The following VWA8 variants were observed in gnomAD, a reference collection of about 807,000 sequenced individuals.
VWA8 encodes the protein von Willebrand factor A domain containing 8, also known as von Willebrand factor A domain-containing protein 8.
Under a neutral mutation model 241.5 loss-of-function variants are expected in VWA8, and 221 were observed. That is an observed-to-expected ratio of 0.91 (90% confidence interval 0.82 to 1.02). The LOEUF (loss-of-function observed/expected upper bound fraction) is 1.02. VWA8 is among the 50% of genes least tolerant of loss of function. The probability of loss-of-function intolerance (pLI) is 0.00; values close to 1 mark genes in which losing one functional copy is unlikely to be tolerated. For synonymous variants in VWA8, 852 were observed against 827.1 expected, an observed-to-expected ratio of 1.03 and a Z score of -0.52; for missense variants, 2,322 against 2,328.7, an observed-to-expected ratio of 1.00 and a Z score of 0.06.
chr13:41,746,184 T>G (rs2045605215), intron 21 of VWA8, among the ~76,000 whole-genome samples: 1 of 152,222 alleles, frequency 6.6e-6, no homozygotes, highest in South Asian at 2.1e-4. Flanking sequence ...TATTTACATT[T>G]TTTGGATTTT....
chr13:41,882,797 A>AGAGAGG (rs1374121422), intron 9 of VWA8, among the ~76,000 whole-genome samples: 94 of 135,946 alleles, frequency 6.9e-4, no homozygotes, highest in African/African-American at 2.7e-3. Context: ...GACCGTGGAA[A>AGAGAGG]GAGAGGGAGA....
At chr13:41,948,623 T>A (rs192810167) in intron 2 of VWA8, among the ~76,000 whole-genome samples, 3 of 152,318 alleles carry the variant, frequency 2.0e-5, no homozygotes, top group African/African-American at 4.8e-5. Flanking sequence ...ATGTAGAACA[T>A]CACTGTCGGT....
intron 4 of VWA8, among the ~76,000 whole-genome samples, chr13:41,897,080 C>T (rs1431996609): frequency 6.6e-6 from 1 of 152,048 alleles, no homozygotes; most frequent in Non-Finnish European, 1.5e-5. Context: ...AATGATATAG[C>T]TCCATCTTTA....
At chr13:41,586,575 C>G (rs1020918605) in intron 42 of VWA8, among the ~76,000 whole-genome samples, 1 of 152,040 alleles carries the variant, frequency 6.6e-6, no homozygotes. Flanking sequence ...GGGCAGTATC[C>G]TTAATAATAG....
At position 41,570,522 on chromosome 13, in the gene VWA8, G is replaced by A. The variant is rs1211395779; in HGVS notation, c.5555C>T (p.Pro1852Leu). ...AKFAQILTRD[P>L]QVNAFAIFIG... ...AAAAATGGCAAAAGCATTTACTTGAGGGTCTCTTGTGAGGATTTGAGCAAA... is the reference window on the plus strand; with the variant it reads ...AAAAATGGCAAAAGCATTTACTTGAAGGTCTCTTGTGAGGATTTGAGCAAA... The change falls in exon 44 of 45, where the codon CCT becomes CTT. Residue 1852 changes from proline (P) to leucine (L), a missense_variant. By Grantham distance (98) the Pro-to-Leu change is moderately conservative (BLOSUM62 -3). Coordinates refer to ENST00000379310, the MANE Select transcript of VWA8 (RefSeq NM_015058.2). 1 of 1,614,072 alleles carries A rather than the reference G, an allele frequency of 6.2e-7. No individual in the cohort carries two copies. The highest frequency in any genetic ancestry group is 1.3e-5 in the African/African-American group (1 of 74,926).
chr13:41,741,397 T>A (rs115121393), intron 21 of VWA8, among the ~76,000 whole-genome samples: 1 of 152,240 alleles, frequency 6.6e-6, no homozygotes, highest in Non-Finnish European at 1.5e-5. Flanking sequence ...CCACTTTTTA[T>A]GATAAATGGT....
At chr13:41,672,502 A>C (rs1369949979) in intron 36 of VWA8, among the ~76,000 whole-genome samples, 4 of 152,218 alleles carry the variant, frequency 2.6e-5, no homozygotes, top group Non-Finnish European at 4.4e-5. Flanking sequence ...GTCTGATAAG[A>C]AAAACATAAC....
At chr13:41,924,173 AT>A (rs1876710099) in intron 2 of VWA8, among the ~76,000 whole-genome samples, 2 of 152,162 alleles carry the variant, frequency 1.3e-5, no homozygotes, top group Admixed American at 1.3e-4. Flanking sequence ...CAGGAAAACA[AT>A]TTATAACCTC....
chr13:41,934,947 T>A (rs1877283161), intron 2 of VWA8, among the ~76,000 whole-genome samples: 1 of 152,120 alleles, frequency 6.6e-6, no homozygotes, highest in African/African-American at 2.4e-5. Context: ...ATTACATATA[T>A]TATTAATAGT....
chr13:41,713,965 A>G (rs1414229820), intron 26 of VWA8, among the ~76,000 whole-genome samples: 5 of 152,052 alleles, frequency 3.3e-5, no homozygotes, highest in African/African-American at 9.7e-5. Context: ...TTATGTCAAA[A>G]AGAAAGACTC....
chr13:41,604,234 TCC>T (rs2044539594), intron 40 of VWA8, among the ~76,000 whole-genome samples: 1 of 152,184 alleles, frequency 6.6e-6, no homozygotes, highest in Non-Finnish European at 1.5e-5. Flanking sequence ...TGTAAGAAGA[TCC>T]AATCATTCAA....
chr13:41,808,822 G>T (rs1458382669), intron 17 of VWA8, among the ~76,000 whole-genome samples: 2 of 151,378 alleles, frequency 1.3e-5, no homozygotes, highest in African/African-American at 4.8e-5. Context: ...CATTATCCTT[G>T]TTTGCAGATG....
At chr13:41,897,948 G>A (rs1179691069) in intron 4 of VWA8, among the ~76,000 whole-genome samples, 1 of 152,098 alleles carries the variant, frequency 6.6e-6, no homozygotes, top group Non-Finnish European at 1.5e-5. Context: ...TTGACAGGGC[G>A]CTGACTGGTG....
intron 5 of VWA8, among the ~76,000 whole-genome samples, chr13:41,890,742 T>C (rs1874796080): frequency 6.6e-6 from 1 of 152,214 alleles, no homozygotes; most frequent in African/African-American, 2.4e-5. Flanking sequence ...TGTATTGCAT[T>C]GTAAAAACTT....
chr13:41,843,289 T>C (rs753316988), intron 12 of VWA8, among the ~76,000 whole-genome samples: 1 of 152,204 alleles, frequency 6.6e-6, no homozygotes, highest in East Asian at 1.9e-4. Flanking sequence ...TGTTGCATTT[T>C]ATCACAAATG....
At chr13:41,719,361 A>G in intron 26 of VWA8, 1 of 1,350,160 alleles carries the variant, frequency 7.4e-7, no homozygotes, top group Non-Finnish European at 9.5e-7. Context: ...ATTTCCCTTT[A>G]TTTATTACAT....
intron 4 of VWA8, among the ~76,000 whole-genome samples, chr13:41,906,456 A>G (rs1282097129): frequency 2.0e-5 from 3 of 152,272 alleles, no homozygotes; most frequent in African/African-American, 7.2e-5. Context: ...GGATCACAGT[A>G]TACATACTGT....
chr13:41,864,600 T>A, intron 12 of VWA8: 1 of 444,204 alleles, frequency 2.3e-6, no homozygotes, highest in East Asian at 7.2e-5. Flanking sequence ...ATTATATGAT[T>A]CCATTTATAT....
intron 2 of VWA8, among the ~76,000 whole-genome samples, chr13:41,949,030 A>AT (rs1877992936): frequency 3.6e-5 from 3 of 83,224 alleles, no homozygotes; most frequent in African/African-American, 1.3e-4. Context: ...ATCTACCATC[A>AT]TAAAAAAAAA....
Sources: gnomAD v4.1 joint callset for allele counts (sites outside exome capture counted in the v4.1 genomes callset) on GRCh38, gnomAD v4.1.1 for gene constraint, MANE v1.5 for transcripts, NCBI Gene and HGNC (gene_info 2026-07-23, HGNC 2026-07-21) for gene names.